Variants in SIRT2 observed in about 807,000 individuals in gnomAD.
SIRT2 encodes the protein sirtuin 2.
In SIRT2, 40 loss-of-function variants were observed where a neutral mutation model predicts 57.4. The ratio of observed to expected loss-of-function variants is 0.70; its 90% CI spans 0.54 to 0.91. The LOEUF (loss-of-function observed/expected upper bound fraction) is 0.91. Among genes scored for constraint, SIRT2 ranks in the 40% least tolerant of loss-of-function variants. The pLI, the probability that SIRT2 is intolerant of heterozygous loss-of-function variation, is 0.00. For synonymous variants in SIRT2, 161 were observed against 195.7 expected (o/e 0.82, Z 1.48); for missense variants, 439 against 510.4 (o/e 0.86, Z 1.35).
intron 9 of SIRT2, 64 bp from the exon 10 acceptor site, chr19:38,881,555 G>A: frequency 1.5e-6 from 2 of 1,324,136 alleles, no homozygotes; most frequent in South Asian, 2.4e-5. Flanking sequence ...GTCTGGAGGT[G>A]CAGCACCCCC....
rs199521745 is a variant in SIRT2, at chr19:38,879,206, C to T, written c.1119G>A (p.Pro373=). The T allele has an allele frequency of 1.0e-4, 160 of 1,589,860 alleles. 3 individuals carry two copies. In the South Asian group the frequency reaches 1.0e-3, roughly 10 times the overall value. Residue 373 remains proline (P), a synonymous_variant, in exon 16 of 16, where the codon CCG becomes CCA. Coordinates refer to ENST00000249396, the MANE Select transcript of SIRT2 (RefSeq NM_012237.4). ...PSTSASPKKS[P]PPAKDEARTT... ...TCCTGGCCTCGTCCTTGGCAGGTGG[C>T]GGGGACTTCTTGGGGGAAGCTGAAG...
chr19:38,880,647 G>A lies in SIRT2; in HGVS notation c.876+38C>T, dbSNP rs1411614360. 1.4e-6 allele frequency: 2 copies of A among 1,471,618 alleles called. No individual in the cohort carries two copies. The highest frequency in any genetic ancestry group is 1.8e-6 in the Non-Finnish European group (2 of 1,087,488). The allele number at this position is 1,471,618 out of a possible 1,614,324, so 91.2% of individuals were successfully genotyped here. On this transcript the variant is annotated intron_variant, in intron 13 of 15. Transcript: ENST00000249396. The surrounding 1 kb of genome is among the most constrained non-coding windows in gnomAD (Gnocchi z 4.1). ...GAGGAAAAGGGTGAGAGGGAAGGGG[G>A]AGCCTGTGACGACGGGGGCTTGAAG...
rs147502188 is a variant in SIRT2 at position 38,883,715 on chromosome 19, C to T, written c.543G>A (p.Glu181=). ...AGGTGCCGTGCGCCTCCACCAAGTC[C>T]TCCTGTTCCAGCCCGGCTATTCGCT... The part of the protein sequence containing the change: ...TLERIAGLEQ[E]DLVEAHGTFY... The change falls in exon 9 of 16, where the codon GAG becomes GAA. Residue 181 remains glutamate (E), a synonymous_variant. Coordinates refer to ENST00000249396, the MANE Select transcript of SIRT2 (RefSeq NM_012237.4). 1,018 of 1,614,060 alleles carry T rather than the reference C, an allele frequency of 6.3e-4. 1 individual carries two copies. In the African/African-American group the frequency reaches 0.012, roughly 19 times the overall value.
chr19:38,892,432 C>T (rs1297672991), intron 4 of SIRT2, among the ~76,000 whole-genome samples: 1 of 151,920 alleles, frequency 6.6e-6, no homozygotes, highest in African/African-American at 2.4e-5. Flanking sequence ...AAATTTCATG[C>T]TGACTCAGTA....
rs1175297413 is a variant in SIRT2 at position 38,889,759 on chromosome 19, A to C, written c.376-14T>G. The C allele has an allele frequency of 6.2e-7, 1 of 1,614,078 alleles. No individual in the cohort carries two copies. Among genetic ancestry groups the C allele is most frequent in the African/African-American group, 1.3e-5 (1 of 74,932 alleles). ...TTCCGGATGTTTCTGTAGGAGAGACAGCCAGAGGGCCAGATGCCCCAGGTA... is the reference window on the plus strand; with the variant it reads ...TTCCGGATGTTTCTGTAGGAGAGACCGCCAGAGGGCCAGATGCCCCAGGTA... On this transcript the variant is annotated splice_polypyrimidine_tract_variant and intron_variant, in intron 6 of 15. Transcript: ENST00000249396.
intron 2 of SIRT2, chr19:38,894,555 G>A (rs1272644458): frequency 1.0e-5 from 3 of 290,828 alleles, no homozygotes; most frequent in East Asian, 9.3e-5. Flanking sequence ...CTTCGTTCCC[G>A]GGTCCCCTGG....
At chr19:38,894,473 C>T (rs939911647) in intron 2 of SIRT2, 1 of 229,582 alleles carries the variant, frequency 4.4e-6, no homozygotes, top group African/African-American at 2.3e-5. Flanking sequence ...GTGCTGGGCG[C>T]AGCACCAGGG....
chr19:38,887,573 C>T (rs10421741), intron 8 of SIRT2, among the ~76,000 whole-genome samples: 23,046 of 152,006 alleles, frequency 0.15, 2,787 homozygotes, highest in East Asian at 0.36. Context: ...AGGAGGCCTC[C>T]GCTGCCCTCT....
chr19:38,890,319 TATA>T (rs1973493886), intron 4 of SIRT2, among the ~76,000 whole-genome samples, 175 bp from the exon 5 acceptor site: 1 of 152,036 alleles, frequency 6.6e-6, no homozygotes, highest in Non-Finnish European at 1.5e-5. Context: ...ATCCCCATTT[TATA>T]AATGAGAAAA....
chr19:38,880,878 AG>A lies in SIRT2; in HGVS notation c.766del (p.Leu256SerfsTer44). The part of the protein sequence containing the change: ...CMQSDFLKVD[L>X]LLVMGTSLQV... ...CAAGGAGGTACCCATGACCAGGAGGAGGTCCACCTTCAGGAAGTCCTGCGGG... is the reference window on the plus strand; with the variant it reads ...CAAGGAGGTACCCATGACCAGGAGGAGTCCACCTTCAGGAAGTCCTGCGGG... On this transcript the variant is annotated frameshift_variant, in exon 12 of 16. Transcript: ENST00000249396. LOFTEE classifies it high-confidence loss of function. This position sits in a 1 kb window ranked among gnomAD's most constrained non-coding sequence, Gnocchi z 4.1. The A allele has an allele frequency of 6.2e-7, 1 of 1,613,714 alleles. No individual in the cohort carries two copies.
At chr19:38,899,283 G>C (rs1037817164) in intron 1 of SIRT2, among the ~76,000 whole-genome samples, 9 of 152,090 alleles carry the variant, frequency 5.9e-5, no homozygotes, top group African/African-American at 1.7e-4. Context: ...CGCGATCATT[G>C]GCAACTTGGC....
At chr19:38,898,472 G>C (rs369355055) in intron 1 of SIRT2, 47 bp from the exon 2 acceptor site, 21 of 1,337,500 alleles carry the variant, frequency 1.6e-5, no homozygotes, top group Middle Eastern at 2.0e-4. Context: ...AACGATTAAG[G>C]GGGGAATAAA....
rs542889209 is a variant in SIRT2 at position 38,879,576 on chromosome 19, C to T, written c.947+56G>A. 8.3e-4 allele frequency: 1,283 copies of T among 1,554,320 alleles called. 10 individuals are homozygous for T. In the African/African-American group the frequency reaches 0.013, roughly 15 times the overall value. ...CTCCTCTCATCTGCCTTCGTGCCCC[C>T]GCTCCCACCTCACCCTGTCCCTTCC... On this transcript the variant is annotated intron_variant, in intron 14 of 15. Coordinates refer to ENST00000249396, the MANE Select transcript of SIRT2 (RefSeq NM_012237.4).
intron 8 of SIRT2, among the ~76,000 whole-genome samples, chr19:38,886,398 C>T (rs181022526): frequency 1.3e-4 from 20 of 151,770 alleles, no homozygotes; most frequent in Non-Finnish European, 2.5e-4. Flanking sequence ...AACTGAACAG[C>T]GTGGAAAAGA....
chr19:38,885,380 C>T (rs1334407249), intron 8 of SIRT2, among the ~76,000 whole-genome samples: 1 of 151,982 alleles, frequency 6.6e-6, no homozygotes, highest in Non-Finnish European at 1.5e-5. Flanking sequence ...GTTGGGATTA[C>T]AGGCGTGAGA....
intron 9 of SIRT2, 141 bp downstream of exon 9, chr19:38,883,486 G>T: frequency 8.7e-7 from 1 of 1,147,366 alleles, no homozygotes; most frequent in Non-Finnish European, 1.2e-6. Context: ...GGGCGACAGA[G>T]TGAGACTCTG....
chr19:38,894,057 A>G lies in SIRT2; in HGVS notation c.64-190T>C, dbSNP rs1973639172. The G allele has an allele frequency of 3.3e-6, 4 of 1,225,618 alleles. No individual in the cohort carries two copies. In the African/African-American group the frequency reaches 6.2e-5, roughly 19 times the overall value. The allele number at this position is 1,225,618 out of a possible 1,614,324, so 75.9% of individuals were successfully genotyped here. A position where few individuals can be genotyped will look rare whatever the true frequency, so the allele number is the denominator to read the frequency against. The stretch of plus-strand genomic sequence containing the variant: ...GGCTGCCGGGGTTGGAGTCCTGGCC[A>G]TGCCCGTCCCCAGGAGCAAGACCTC... On this transcript the variant is annotated intron_variant, in intron 2 of 15. Coordinates refer to ENST00000249396, the MANE Select transcript of SIRT2 (RefSeq NM_012237.4).
intron 4 of SIRT2, chr19:38,892,012 C>T (rs1478564888): frequency 4.6e-6 from 2 of 433,332 alleles, no homozygotes. Flanking sequence ...CAAAAGGCTG[C>T]TCAGGAACCA....
At chr19:38,892,668 G>A (rs2095988159) in intron 4 of SIRT2, among the ~76,000 whole-genome samples, 1 of 151,804 alleles carries the variant, frequency 6.6e-6, no homozygotes, top group African/African-American at 2.4e-5. Flanking sequence ...CCAATTCCTG[G>A]GCTCAAACAA....
Sources: gnomAD v4.1 joint callset for allele counts (sites outside exome capture counted in the v4.1 genomes callset) on GRCh38, gnomAD v4.1.1 for gene constraint, Gnocchi (gnomAD v3.1) non-coding constraint, MANE v1.5 for transcripts, NCBI Gene and HGNC (gene_info 2026-07-23, HGNC 2026-07-21) for gene names.